The following NOVA1 variants were observed in gnomAD, a reference collection of about 807,000 sequenced individuals.
NOVA1 encodes NOVA alternative splicing regulator 1.
Under a neutral mutation model 38.0 loss-of-function variants are expected in NOVA1, and 7 were observed. That is an observed-to-expected ratio of 0.18 (90% CI 0.10 to 0.35). NOVA1 has a LOEUF of 0.35. Ranked by LOEUF, NOVA1 falls within the 10% of genes least tolerant of loss-of-function variation. NOVA1 has a pLI of 1.00. For missense variants in NOVA1, 460 were observed against 616.0 expected (o/e 0.75, Z 2.68); for synonymous variants, 270 against 232.5 (o/e 1.16, Z -1.47).
intron 2 of NOVA1, among the ~76,000 whole-genome samples, chr14:26,526,262 T>G (rs1177432438): frequency 6.6e-6 from 1 of 152,200 alleles, no homozygotes; most frequent in Non-Finnish European, 1.5e-5. Flanking sequence ...ACTGGTGTAA[T>G]TTATTGATGA....
chr14:26,523,079 C>T (rs566228820), intron 2 of NOVA1, among the ~76,000 whole-genome samples: 18 of 152,252 alleles, frequency 1.2e-4, no homozygotes, highest in African/African-American at 4.1e-4. Flanking sequence ...AACAACCTGG[C>T]ATTAGCTCCT....
chr14:26,569,042 C>A (rs1892308891), intron 2 of NOVA1, among the ~76,000 whole-genome samples: 1 of 152,116 alleles, frequency 6.6e-6, no homozygotes, highest in Non-Finnish European at 1.5e-5. Flanking sequence ...CTGAAGGAAA[C>A]CACCTTTATC....
At chr14:26,571,415 G>A (rs995792434) in intron 2 of NOVA1, among the ~76,000 whole-genome samples, 1 of 152,102 alleles carries the variant, frequency 6.6e-6, no homozygotes, top group Non-Finnish European at 1.5e-5. Context: ...CAGACTTAAC[G>A]ATGTTCTCTG....
At chr14:26,467,021 A>C (rs992722378) in intron 4 of NOVA1, among the ~76,000 whole-genome samples, 1 of 152,214 alleles carries the variant, frequency 6.6e-6, no homozygotes, top group Non-Finnish European at 1.5e-5. Flanking sequence ...CTAAGATAAC[A>C]GTACATTTGT....
In NOVA1 at chr14:26,444,318, T is replaced by C. The variant is rs1335472397; in HGVS notation, c.*3641A>G. 6.6e-6 allele frequency: 1 copy of C among 152,188 alleles called. No homozygotes were observed. Among genetic ancestry groups the C allele is most frequent in the Non-Finnish European group, 1.5e-5 (1 of 68,024 alleles). The allele number at this position is 152,188 out of a possible 1,614,324, so 9.4% of individuals were successfully genotyped here. ...GGGATAAAATTTATCAGATTCTTGA[T>C]AGCACCATTTACACATTCTTAAAGT... On this transcript the variant is annotated 3_prime_UTR_variant, in exon 5 of 5. Transcript: ENST00000539517.
At chr14:26,529,768 T>A (rs973995482) in intron 2 of NOVA1, among the ~76,000 whole-genome samples, 1 of 152,124 alleles carries the variant, frequency 6.6e-6, no homozygotes, top group Non-Finnish European at 1.5e-5. Context: ...ACTCTAGAAT[T>A]GAGTCTTCAG....
chr14:26,490,185 T>G (rs903411467), intron 2 of NOVA1, among the ~76,000 whole-genome samples: 1 of 152,208 alleles, frequency 6.6e-6, no homozygotes, highest in Admixed American at 6.5e-5. Flanking sequence ...TCTCAAAAAT[T>G]CATTCCCTTA....
intron 2 of NOVA1, among the ~76,000 whole-genome samples, chr14:26,510,277 T>C (rs138407940): frequency 5.2e-4 from 79 of 152,302 alleles, no homozygotes; most frequent in African/African-American, 1.9e-3. Flanking sequence ...GATCCATTTA[T>C]AATCTAGTTA....
chr14:26,559,288 C>T (rs191569509), intron 2 of NOVA1, among the ~76,000 whole-genome samples: 4 of 152,008 alleles, frequency 2.6e-5, no homozygotes, highest in East Asian at 3.9e-4. Context: ...CGTTAAAGTC[C>T]GTTTGGGAAT....
In NOVA1 at chr14:26,520,040, G is replaced by A. The variant is rs74042417; in HGVS notation, c.281-39897C>T. ...ACATTATTTCTAGGGGAAATACAGG[G>A]TTAGGTCCCTATGAACTTCTGGTTA... is the stretch of plus-strand genomic sequence containing the variant. On this transcript the variant is annotated intron_variant, in intron 2 of 4. Coordinates refer to ENST00000539517, the MANE Select transcript of NOVA1 (RefSeq NM_002515.3). Among the ~76,000 whole-genome samples the A allele has an allele frequency of 2.5e-3, 377 of 152,272 alleles. 1 individual carries two copies. The highest frequency in any genetic ancestry group is 8.5e-3 in the African/African-American group (353 of 41,560).
In NOVA1 at chr14:26,534,693, T is replaced by A. The variant is rs373257436; in HGVS notation, c.281-54550A>T. 1.2e-3 allele frequency among the ~76,000 whole-genome samples: 182 copies of A among 152,314 alleles called. 1 individual carries two copies. The South Asian group carries it at 0.036, about 31-fold the overall frequency. ...CACCCTAATCCCTAGAACCTGGGAA[T>A]GTCACTTTATATGGCAAAGGAGACC... On this transcript the variant is annotated intron_variant, in intron 2 of 4. Transcript: ENST00000539517.
At chr14:26,540,537 T>C (rs972949675) in intron 2 of NOVA1, among the ~76,000 whole-genome samples, 1 of 152,210 alleles carries the variant, frequency 6.6e-6, no homozygotes, top group African/African-American at 2.4e-5. Context: ...ACTCAGTTCA[T>C]CTAAATTATA....
intron 2 of NOVA1, among the ~76,000 whole-genome samples, chr14:26,576,501 T>C (rs1035187095): frequency 2.4e-4 from 37 of 151,868 alleles, no homozygotes; most frequent in African/African-American, 8.5e-4. Flanking sequence ...TTTAAGTATA[T>C]AATTTCCTTA....
intron 1 of NOVA1, chr14:26,596,833 G>C (rs141525998): frequency 1.4e-5 from 16 of 1,116,372 alleles, no homozygotes; most frequent in African/African-American, 1.7e-5. Context: ...AGGATGGAGA[G>C]AGGAAAAACT....
At chr14:26,541,576 CAA>C (rs1395844987) in intron 2 of NOVA1, among the ~76,000 whole-genome samples, 4 of 146,902 alleles carry the variant, frequency 2.7e-5, no homozygotes, top group Non-Finnish European at 4.5e-5. Context: ...AGATGCATGC[CAA>C]AAAGTCTATT....
At chr14:26,465,655 T>C (rs1283253765) in intron 4 of NOVA1, among the ~76,000 whole-genome samples, 2 of 152,154 alleles carry the variant, frequency 1.3e-5, no homozygotes, top group African/African-American at 4.8e-5. Context: ...TGGTTTATAT[T>C]GTTAGAGAGA....
intron 2 of NOVA1, among the ~76,000 whole-genome samples, chr14:26,579,169 C>G (rs1315652009): frequency 6.6e-6 from 1 of 150,404 alleles, no homozygotes; most frequent in African/African-American, 2.4e-5. Flanking sequence ...GTGACTCTCC[C>G]GCCTCAGCCT....
At position 26,539,968 on chromosome 14, in the gene NOVA1, A is replaced by G. The variant is rs181116023; in HGVS notation, c.280+55442T>C. Among the ~76,000 whole-genome samples the G allele has an allele frequency of 3.9e-3, 594 of 152,334 alleles. 28 individuals carry two copies. Among genetic ancestry groups the G allele is most frequent in the Admixed American group, 0.037 (563 of 15,298 alleles). ...TAGGAGGCCATTGTGTCCTCTTACT[A>G]GCATAAATCAGATCCACCCTCAGAA... On this transcript the variant is annotated intron_variant, in intron 2 of 4. Coordinates refer to ENST00000539517, the MANE Select transcript of NOVA1 (RefSeq NM_002515.3).
chr14:26,449,020 A>G (rs1395287239), intron 4 of NOVA1, 57 bp from the exon 5 acceptor site: 3 of 1,441,378 alleles, frequency 2.1e-6, no homozygotes, highest in Non-Finnish European at 2.8e-6. Context: ...TATACATTAT[A>G]TTACTTTGCT....
Sources: allele counts gnomAD v4.1 joint callset (sites outside exome capture counted in the v4.1 genomes callset), GRCh38; gene constraint gnomAD v4.1.1; transcripts MANE v1.5; gene names NCBI Gene and HGNC (gene_info 2026-07-23, HGNC 2026-07-21).